The following ENTREP2 variants were observed in gnomAD, a reference collection of about 807,000 sequenced individuals.
ENTREP2 encodes the protein protein ENTREP2.
At chr15:29,620,557 G>A in the ENTREP2 span, among the ~76,000 whole-genome samples, 1 of 152,038 alleles carries the variant, frequency 6.6e-6, no homozygotes, top group Non-Finnish European at 1.5e-5. Flanking sequence ...AGGATCATTT[G>A]AGCTCAGGAG....
chr15:29,538,901 T>C, the ENTREP2 span, among the ~76,000 whole-genome samples: 1 of 152,216 alleles, frequency 6.6e-6, no homozygotes, highest in Non-Finnish European at 1.5e-5. Context: ...TCTAACACCC[T>C]CAGATTCCAC....
At chr15:29,421,856 C>T in the ENTREP2 span, among the ~76,000 whole-genome samples, 1 of 152,176 alleles carries the variant, frequency 6.6e-6, no homozygotes, top group Non-Finnish European at 1.5e-5. Context: ...AAAGGATTAA[C>T]ATCAGCTAAT....
At chr15:29,138,551 G>GCA in the ENTREP2 span, among the ~76,000 whole-genome samples, 9 of 144,892 alleles carry the variant, frequency 6.2e-5, no homozygotes, top group South Asian at 1.5e-3. Flanking sequence ...TTGTGTGTGT[G>GCA]TGTGCATGTG....
At chr15:29,224,725 G>A in the ENTREP2 span, among the ~76,000 whole-genome samples, 2 of 152,216 alleles carry the variant, frequency 1.3e-5, no homozygotes, top group African/African-American at 4.8e-5. Flanking sequence ...GAGCCCAGCT[G>A]GCTTCACCCA....
chr15:29,327,192 G>T, the ENTREP2 span, among the ~76,000 whole-genome samples: 6 of 152,124 alleles, frequency 3.9e-5, no homozygotes, highest in Non-Finnish European at 8.8e-5. Context: ...AGAAGTCACA[G>T]ACTGAAAGAA....
the ENTREP2 span, among the ~76,000 whole-genome samples, chr15:29,263,855 G>C: frequency 6.6e-6 from 1 of 152,112 alleles, no homozygotes; most frequent in African/African-American, 2.4e-5. Context: ...CTAGGGCAGG[G>C]AGAGTTAAAG....
the ENTREP2 span, among the ~76,000 whole-genome samples, chr15:29,137,686 A>G: frequency 6.6e-6 from 1 of 152,070 alleles, no homozygotes; most frequent in Non-Finnish European, 1.5e-5. Flanking sequence ...AATACAAAAA[A>G]TTAGCTGGGC....
At chr15:29,121,610 A>G in the ENTREP2 span, 1 of 152,218 alleles carries the variant, frequency 6.6e-6, no homozygotes, top group Non-Finnish European at 1.5e-5. Context: ...GCCTTGAGGG[A>G]ATTCAAAAGC....
chr15:29,118,370 A>G, the ENTREP2 span: 1 of 152,210 alleles, frequency 6.6e-6, no homozygotes, highest in Non-Finnish European at 1.5e-5. Context: ...CTGTCCTTTC[A>G]TTCACAGCTT....
At chr15:29,501,642 A>G in the ENTREP2 span, among the ~76,000 whole-genome samples, 1 of 152,026 alleles carries the variant, frequency 6.6e-6, no homozygotes, top group Non-Finnish European at 1.5e-5. Context: ...CTTCTATTCA[A>G]CATTTTACTG....
chr15:29,520,771 G>C, the ENTREP2 span, among the ~76,000 whole-genome samples: 1 of 152,150 alleles, frequency 6.6e-6, no homozygotes, highest in African/African-American at 2.4e-5. Flanking sequence ...CTATACACTA[G>C]TAGTAAGTAA....
At chr15:29,454,486 G>A in the ENTREP2 span, among the ~76,000 whole-genome samples, 1 of 152,128 alleles carries the variant, frequency 6.6e-6, no homozygotes, top group East Asian at 1.9e-4. Flanking sequence ...TTCAGCCTGG[G>A]ATCCAGACTC....
At chr15:29,608,550 T>TTATTATTATTATTA in the ENTREP2 span, among the ~76,000 whole-genome samples, 32 of 76,698 alleles carry the variant, frequency 4.2e-4, no homozygotes, top group African/African-American at 1.3e-3. Flanking sequence ...ATTATTATTA[T>TTATTATTATTATTA]TTATTTATTA....
At chr15:29,196,321 A>AC in the ENTREP2 span, 2 of 1,185,764 alleles carry the variant, frequency 1.7e-6, no homozygotes, top group Non-Finnish European at 2.4e-6. Context: ...CACTGAACCT[A>AC]CCCCGGGAAG....
At chr15:29,340,038 T>G in the ENTREP2 span, among the ~76,000 whole-genome samples, 2 of 152,252 alleles carry the variant, frequency 1.3e-5, no homozygotes, top group East Asian at 3.8e-4. Flanking sequence ...ACACTAAGAT[T>G]CTCTTGAAGC....
chr15:29,256,289 C>T, the ENTREP2 span, among the ~76,000 whole-genome samples: 1 of 152,130 alleles, frequency 6.6e-6, no homozygotes, highest in African/African-American at 2.4e-5. Flanking sequence ...CCATGCAACA[C>T]ACCCAGGTAA....
the ENTREP2 span, among the ~76,000 whole-genome samples, chr15:29,166,335 A>G: frequency 6.6e-6 from 1 of 152,212 alleles, no homozygotes; most frequent in Non-Finnish European, 1.5e-5. Context: ...ATCAGACAAG[A>G]GAAAGAAATA....
the ENTREP2 span, among the ~76,000 whole-genome samples, chr15:29,305,666 G>A: frequency 6.6e-6 from 1 of 152,192 alleles, no homozygotes; most frequent in Admixed American, 6.5e-5. Context: ...CCATTACTGG[G>A]ACAGAACAGA....
At chr15:29,667,192 C>CTT in the ENTREP2 span, among the ~76,000 whole-genome samples, 8 of 144,408 alleles carry the variant, frequency 5.5e-5, no homozygotes, top group East Asian at 2.0e-4. Context: ...CTTTTCTTTC[C>CTT]TTTTTTTTTT....
Sources: allele counts gnomAD v4.1 joint callset (sites outside exome capture counted in the v4.1 genomes callset), GRCh38; gene constraint gnomAD v4.1.1; transcripts MANE v1.5; gene names NCBI Gene and HGNC (gene_info 2026-07-23, HGNC 2026-07-21).